IL1RAPL2: variants seen among roughly 807,000 people sequenced by gnomAD.
IL1RAPL2 encodes the protein interleukin 1 receptor accessory protein like 2, also known as X-linked interleukin-1 receptor accessory protein-like 2.
IL1RAPL2 carries 3 observed loss-of-function variants against 44.1 expected under a neutral mutation model. That is an observed-to-expected ratio of 0.07 (90% CI 0.03 to 0.18). The LOEUF is 0.18. IL1RAPL2 is among the 10% of genes least tolerant of loss of function. IL1RAPL2 has a pLI of 1.00. For synonymous variants in IL1RAPL2, 181 were observed against 178.8 expected, an observed-to-expected ratio of 1.01 and a Z score of -0.10; for missense variants, 391 against 496.4, an observed-to-expected ratio of 0.79 and a Z score of 2.02.
At chrX:105,448,029 T>A (rs1040974129) in intron 5 of IL1RAPL2, among the ~76,000 whole-genome samples, 1 of 105,619 alleles carries the variant, frequency 9.5e-6, no homozygotes, top group Non-Finnish European at 1.9e-5. Context: ...GGTAAAAGGT[T>A]TTTTTTCTTC....
At chrX:105,407,020 CT>C in intron 5 of IL1RAPL2, 1 of 990,171 alleles carries the variant, frequency 1.0e-6, no homozygotes, top group Non-Finnish European at 1.4e-6. Context: ...GCTGACACCA[CT>C]ACACATGTCA....
chrX:104,746,137 A>G (rs1932171173), intron 2 of IL1RAPL2, among the ~76,000 whole-genome samples: 2 of 111,839 alleles, frequency 1.8e-5, no homozygotes, highest in South Asian at 3.7e-4. Flanking sequence ...ACTGTGCCGG[A>G]CACATTACAT....
At position 104,641,099 on chromosome X, in the gene IL1RAPL2, C is replaced by T. The variant is rs1053562509; in HGVS notation, c.-19-17796C>T. Among the ~76,000 whole-genome samples the T allele has an allele frequency of 2.7e-5, 3 of 111,931 alleles. No individual in the cohort carries two copies. The South Asian group carries it at 1.1e-3, about 42-fold the overall frequency. On this transcript the variant is annotated intron_variant, in intron 1 of 10. Transcript: ENST00000372582. The stretch of plus-strand genomic sequence containing the variant: ...GCAGTGATGTGATGATTCTTTGTCT[C>T]CCAAGAGGTGTACATTGATGTTGGT...
At chrX:105,432,200 G>A (rs766396622) in intron 5 of IL1RAPL2, among the ~76,000 whole-genome samples, 4 of 80,906 alleles carry the variant, frequency 4.9e-5, no homozygotes, top group African/African-American at 2.0e-4. Flanking sequence ...CACATCTTGT[G>A]CTTAATATCC....
At chrX:105,259,089 C>T (rs2034337007) in intron 4 of IL1RAPL2, among the ~76,000 whole-genome samples, 1 of 105,248 alleles carries the variant, frequency 9.5e-6, no homozygotes, top group Non-Finnish European at 2.0e-5. Flanking sequence ...AGATTGAGTA[C>T]AGTCAATAGG....
intron 2 of IL1RAPL2, among the ~76,000 whole-genome samples, chrX:104,851,105 G>T (rs1311069221): frequency 1.8e-5 from 2 of 110,605 alleles, no homozygotes; most frequent in South Asian, 7.6e-4. Flanking sequence ...CGATGGCGTC[G>T]ACTACCCTAC....
chrX:105,135,836 G>T (rs912317022), intron 2 of IL1RAPL2, among the ~76,000 whole-genome samples: 1 of 111,906 alleles, frequency 8.9e-6, no homozygotes, highest in Non-Finnish European at 1.9e-5. Context: ...TTTGCACACT[G>T]TGTCAAGTGG....
chrX:105,228,049 T>G (rs1556191419), intron 3 of IL1RAPL2, among the ~76,000 whole-genome samples: 1 of 112,004 alleles, frequency 8.9e-6, no homozygotes, highest in African/African-American at 3.2e-5. Context: ...TTTCCTTCCT[T>G]GAATTTGCTA....
chrX:105,748,343 A>G lies in IL1RAPL2; in HGVS notation c.1049-617A>G, dbSNP rs766917196. Among the ~76,000 whole-genome samples the G allele has an allele frequency of 6.2e-5, 7 of 112,035 alleles. No homozygotes were observed. The South Asian group carries it at 2.6e-3, about 42-fold the overall frequency. On this transcript the variant is annotated intron_variant, in intron 8 of 10. Coordinates refer to ENST00000372582, the MANE Select transcript of IL1RAPL2 (RefSeq NM_017416.2). The stretch of plus-strand genomic sequence containing the variant: ...GGATTTCTCATTCTGTTTTAGCTCC[A>G]TTGGGCATATTATATCACATATATA...
intron 2 of IL1RAPL2, among the ~76,000 whole-genome samples, chrX:105,117,050 G>A (rs1050880913): frequency 1.8e-5 from 2 of 112,328 alleles, no homozygotes; most frequent in Admixed American, 9.4e-5. Context: ...TTTGGTGAAC[G>A]TATTACTGTC....
chrX:105,647,069 T>G (rs1280264694), intron 6 of IL1RAPL2, among the ~76,000 whole-genome samples: 1 of 112,163 alleles, frequency 8.9e-6, no homozygotes, highest in Non-Finnish European at 1.9e-5. Flanking sequence ...GGAAGAGAAC[T>G]GTGGAACCCA....
At chrX:105,110,286 C>G (rs2032787947) in intron 2 of IL1RAPL2, among the ~76,000 whole-genome samples, 1 of 112,205 alleles carries the variant, frequency 8.9e-6, no homozygotes. Context: ...CTTTGGGAGG[C>G]AACTTGTATT....
rs1033229762 is a variant in IL1RAPL2, at chrX:105,270,604, C to T, written c.697+3063C>T. On this transcript the variant is annotated intron_variant, in intron 5 of 10. Coordinates refer to ENST00000372582, the MANE Select transcript of IL1RAPL2 (RefSeq NM_017416.2). ...TATCATATTTGTGTATTTATTCACACAGTTCAAATGTTATGCTTGATGTAG... is the reference window on the plus strand; with the variant it reads ...TATCATATTTGTGTATTTATTCACATAGTTCAAATGTTATGCTTGATGTAG... 2.7e-5 allele frequency among the ~76,000 whole-genome samples: 3 copies of T among 112,094 alleles called. No individual in the cohort carries two copies. In the Admixed American group the frequency reaches 2.9e-4, roughly 11 times the overall value.
At chrX:105,028,445 C>T (rs1365102377) in intron 2 of IL1RAPL2, among the ~76,000 whole-genome samples, 3 of 111,064 alleles carry the variant, frequency 2.7e-5, no homozygotes, top group African/African-American at 9.8e-5. Context: ...TCATGTATCC[C>T]GTAAGTATAT....
intron 3 of IL1RAPL2, chrX:105,220,274 A>G (rs1182128751): frequency 5.0e-6 from 6 of 1,210,979 alleles, no homozygotes; most frequent in Non-Finnish European, 6.7e-6. Flanking sequence ...TTCTCCCAGG[A>G]TAAGGATATA....
intron 2 of IL1RAPL2, among the ~76,000 whole-genome samples, chrX:105,163,230 T>G (rs1380954694): frequency 8.9e-6 from 1 of 111,763 alleles, no homozygotes; most frequent in African/African-American, 3.3e-5. Flanking sequence ...GTGAGGCCCT[T>G]TACAGAAAAA....
chrX:104,615,569 G>T (rs755696730), intron 1 of IL1RAPL2, among the ~76,000 whole-genome samples: 2 of 111,273 alleles, frequency 1.8e-5, no homozygotes, highest in South Asian at 7.7e-4. Flanking sequence ...CATTCCTTTT[G>T]ATGGCTGCAT....
At chrX:104,738,448 G>A (rs954574112) in intron 2 of IL1RAPL2, among the ~76,000 whole-genome samples, 2 of 112,207 alleles carry the variant, frequency 1.8e-5, no homozygotes, top group Non-Finnish European at 1.9e-5. Context: ...ATATAATTAT[G>A]CTGAGACAAC....
At chrX:105,552,772 G>T (rs762369832) in intron 6 of IL1RAPL2, among the ~76,000 whole-genome samples, 6 of 111,730 alleles carry the variant, frequency 5.4e-5, no homozygotes, top group Non-Finnish European at 3.8e-5. Context: ...CACAGATACA[G>T]TTACTTTAAC....
Sources: gnomAD v4.1 joint callset for allele counts (sites outside exome capture counted in the v4.1 genomes callset) on GRCh38, gnomAD v4.1.1 for gene constraint, MANE v1.5 for transcripts, NCBI Gene and HGNC (gene_info 2026-07-23, HGNC 2026-07-21) for gene names.